The following TRMT9B variants were observed in gnomAD, a reference collection of about 807,000 sequenced individuals.
TRMT9B encodes probable tRNA methyltransferase 9B.
Under a neutral mutation model 11.5 loss-of-function variants are expected in TRMT9B, and 16 were observed. The observed-to-expected ratio is 1.39, with a 90% CI of 0.94 to 2.11. The LOEUF (loss-of-function observed/expected upper bound fraction) is 2.11. TRMT9B is among the 30% of genes most tolerant of loss of function. The pLI is 0.00. For missense variants in TRMT9B, 941 were observed against 553.8 expected (o/e 1.70, Z -7.02); for synonymous variants, 274 against 192.4 (o/e 1.42, Z -3.51).
intron 2 of TRMT9B, among the ~76,000 whole-genome samples, chr8:13,000,655 T>A (rs1373393828): frequency 6.6e-6 from 1 of 152,152 alleles, no homozygotes; most frequent in African/African-American, 2.4e-5. Context: ...ATTTTGGGGG[T>A]TTGTTTTAAG....
intron 1 of TRMT9B, among the ~76,000 whole-genome samples, chr8:12,976,390 G>C (rs962397967): frequency 1.3e-5 from 2 of 150,380 alleles, no homozygotes; most frequent in African/African-American, 4.9e-5. Context: ...TCACTATAAA[G>C]TGAATTTCTT....
chr8:12,983,185 A>G (rs1487800072), intron 1 of TRMT9B, among the ~76,000 whole-genome samples: 1 of 152,216 alleles, frequency 6.6e-6, no homozygotes, highest in Non-Finnish European at 1.5e-5. Flanking sequence ...TGAAGATGAC[A>G]TTGTCAACAC....
intron 3 of TRMT9B, 94 bp downstream of exon 3, chr8:13,006,450 A>T (rs1048973953): frequency 5.2e-6 from 8 of 1,534,474 alleles, no homozygotes; most frequent in Non-Finnish European, 5.3e-6. Flanking sequence ...ATAGGTAACC[A>T]GGCAGCCTCA....
intron 2 of TRMT9B, among the ~76,000 whole-genome samples, chr8:12,991,880 G>A (rs1172352674): frequency 2.0e-5 from 3 of 152,266 alleles, no homozygotes; most frequent in African/African-American, 2.4e-5. Flanking sequence ...GCAGCAAGCC[G>A]AGATTGCGCC....
intron 4 of TRMT9B, among the ~76,000 whole-genome samples, chr8:13,016,556 C>G (rs1030861343): frequency 6.6e-6 from 1 of 151,588 alleles, no homozygotes; most frequent in Non-Finnish European, 1.5e-5. Context: ...TTTTCCACAT[C>G]TTTTAATAAT....
intron 4 of TRMT9B, among the ~76,000 whole-genome samples, chr8:13,015,278 C>G (rs1812423819): frequency 1.3e-5 from 2 of 151,356 alleles, no homozygotes; most frequent in Admixed American, 6.6e-5. Flanking sequence ...CTTGTTACAT[C>G]TTGATATTTT....
chr8:13,012,255 T>G, intron 3 of TRMT9B: 3 of 986,586 alleles, frequency 3.0e-6, no homozygotes, highest in Non-Finnish European at 3.6e-6. Context: ...TCACACCATG[T>G]TGTATTCTGT....
intron 3 of TRMT9B, among the ~76,000 whole-genome samples, chr8:13,008,731 T>C (rs368059881): frequency 6.7e-6 from 1 of 150,256 alleles, no homozygotes; most frequent in Non-Finnish European, 1.5e-5. Flanking sequence ...ATCTAGATAA[T>C]TTTTTTTTCT....
intron 1 of TRMT9B, among the ~76,000 whole-genome samples, chr8:12,956,078 T>C (rs538662685): frequency 2.2e-4 from 34 of 152,310 alleles, no homozygotes; most frequent in African/African-American, 7.7e-4. Flanking sequence ...CTCTCCACTT[T>C]CCTTCTTACG....
At chr8:13,015,328 C>T (rs763771337) in intron 4 of TRMT9B, among the ~76,000 whole-genome samples, 3 of 151,748 alleles carry the variant, frequency 2.0e-5, no homozygotes, top group Non-Finnish European at 2.9e-5. Flanking sequence ...GTACATGTCT[C>T]GCCTCCCTAA....
At chr8:12,990,278 A>G (rs941630339) in intron 1 of TRMT9B, among the ~76,000 whole-genome samples, 3 of 152,128 alleles carry the variant, frequency 2.0e-5, no homozygotes, top group African/African-American at 4.8e-5. Flanking sequence ...TCGAGATCTC[A>G]TTGTATATCA....
At chr8:12,982,483 G>A (rs1805568820) in intron 1 of TRMT9B, among the ~76,000 whole-genome samples, 1 of 152,184 alleles carries the variant, frequency 6.6e-6, no homozygotes. Flanking sequence ...ACAACATAGT[G>A]AAACCCCGTC....
chr8:13,007,032 C>G (rs1049769560), intron 3 of TRMT9B: 8 of 152,320 alleles, frequency 5.3e-5, no homozygotes, highest in Admixed American at 5.2e-4. Flanking sequence ...CCAAAACGGA[C>G]CTGACATTGA....
rs764116428 is a variant in TRMT9B, at chr8:13,021,718, G to A, written c.1039G>A (p.Gly347Arg). 46 of 1,613,794 alleles carry A rather than the reference G, an allele frequency of 2.9e-5. No homozygotes were observed. The South Asian group carries it at 4.9e-4, about 17-fold the overall frequency. The change falls in exon 5 of 5, where the codon GGA (glycine) becomes AGA (arginine). Residue 347 changes from glycine (G) to arginine (R), a missense_variant. Gly to Arg is a moderately radical substitution (Grantham distance 125). Coordinates refer to ENST00000524591, the MANE Select transcript of TRMT9B (RefSeq NM_020844.3). ...AGGGGAAATGAGGAGAAATGGAGGG[G>A]GAAATTTTCTGGATAGCACTAATAC... ...HQGEMRRNGG[G>R]NFLDSTNTGV...
intron 1 of TRMT9B, among the ~76,000 whole-genome samples, chr8:12,978,379 C>G (rs1474787753): frequency 6.6e-6 from 1 of 152,136 alleles, no homozygotes; most frequent in African/African-American, 2.4e-5. Context: ...TGCAACCTGG[C>G]AACATATTTT....
intron 1 of TRMT9B, among the ~76,000 whole-genome samples, chr8:12,980,792 G>A (rs973944609): frequency 2.0e-5 from 3 of 152,154 alleles, no homozygotes; most frequent in East Asian, 3.9e-4. Flanking sequence ...GGCAGAGAGG[G>A]AACAGACAAG....
At chr8:12,956,545 G>T (rs946221092) in intron 1 of TRMT9B, among the ~76,000 whole-genome samples, 2 of 152,300 alleles carry the variant, frequency 1.3e-5, no homozygotes, top group Admixed American at 6.5e-5. Flanking sequence ...TTAGGAAAAT[G>T]ATTGTTTAAA....
intron 3 of TRMT9B, chr8:13,011,578 A>C: frequency 2.1e-6 from 2 of 936,918 alleles, no homozygotes; most frequent in Non-Finnish European, 2.5e-6. Flanking sequence ...TATAATACTA[A>C]GTATTAGACT....
At chr8:12,999,009 A>T (rs1173273062) in intron 2 of TRMT9B, among the ~76,000 whole-genome samples, 3 of 152,248 alleles carry the variant, frequency 2.0e-5, no homozygotes, top group Admixed American at 6.5e-5. Flanking sequence ...ATTAAGAAAG[A>T]TTGTTCAGGG....
Sources: allele counts gnomAD v4.1 joint callset (sites outside exome capture counted in the v4.1 genomes callset), GRCh38; gene constraint gnomAD v4.1.1; transcripts MANE v1.5; gene names NCBI Gene and HGNC (gene_info 2026-07-23, HGNC 2026-07-21).